PFKFB4: variants seen among roughly 807,000 people sequenced by gnomAD.
PFKFB4 encodes 6-phosphofructo-2-kinase/fructose-2,6-bisphosphatase 4.
PFKFB4 carries 42 observed loss-of-function variants against 62.8 expected under a neutral mutation model. The observed-to-expected ratio is 0.67, with a 90% confidence interval of 0.52 to 0.86. PFKFB4 has a LOEUF of 0.86. PFKFB4 is among the 40% of genes least tolerant of loss of function. The pLI is 0.00. For missense variants in PFKFB4, 475 were observed against 627.2 expected, an observed-to-expected ratio of 0.76 and a Z score of 2.59; for synonymous variants, 204 against 240.7, an observed-to-expected ratio of 0.85 and a Z score of 1.41.
intron 3 of PFKFB4, among the ~76,000 whole-genome samples, chr3:48,545,538 T>G (rs551678188): frequency 6.6e-6 from 1 of 152,276 alleles, no homozygotes; most frequent in South Asian, 2.1e-4. Flanking sequence ...CAGAAGCTGA[T>G]CTGAGAACCA....
At chr3:48,542,333 CAA>C (rs1229597350) in intron 4 of PFKFB4, among the ~76,000 whole-genome samples, 12 of 58,818 alleles carry the variant, frequency 2.0e-4, no homozygotes, top group Admixed American at 3.7e-4. Flanking sequence ...GACTCCATCT[CAA>C]AAAAAAAAAA....
chr3:48,547,404 G>A (rs1476113059), intron 3 of PFKFB4, among the ~76,000 whole-genome samples: 1 of 152,114 alleles, frequency 6.6e-6, no homozygotes, highest in Non-Finnish European at 1.5e-5. Flanking sequence ...TGCATAGGGG[G>A]CTTGTGTGTG....
Position 48,517,996 on chromosome 3 carries a change from G to A in PFKFB4, c.*1751C>T, listed in dbSNP as rs888772929. On this transcript the variant is annotated 3_prime_UTR_variant, in exon 14 of 14. Transcript: ENST00000232375. ...TCTGTACACAGAGAGAAAAGGCCTC[G>A]GTGGTCTCACCTCAGATGACATCCA... 3.9e-5 allele frequency: 6 copies of A among 152,260 alleles called. No homozygotes were observed. The highest frequency in any genetic ancestry group is 1.4e-4 in the African/African-American group (6 of 41,448). The allele number at this position is 152,260 out of a possible 1,614,324, so 9.4% of individuals were successfully genotyped here.
chr3:48,534,068 C>T (rs561027141), intron 9 of PFKFB4, among the ~76,000 whole-genome samples: 2 of 152,124 alleles, frequency 1.3e-5, no homozygotes, highest in African/African-American at 4.8e-5. Context: ...AGCTTCAAAA[C>T]ACCACATCTG....
intron 3 of PFKFB4, 96 bp from the exon 4 acceptor site, chr3:48,543,742 G>A (rs1469093489): frequency 2.2e-6 from 2 of 892,392 alleles, no homozygotes; most frequent in African/African-American, 3.3e-5. Context: ...GACAGGAGAA[G>A]GAACAGCCCC....
upstream of PFKFB4, among the ~76,000 whole-genome samples, chr3:48,558,179 T>C (rs866823518): frequency 6.6e-6 from 1 of 152,172 alleles, no homozygotes; most frequent in Non-Finnish European, 1.5e-5. Flanking sequence ...AAGGGAGAGA[T>C]CCAGAAGTTC....
Position 48,556,685 on chromosome 3 carries a change from G to A in PFKFB4, c.93C>T (p.Arg31=). 7.2e-7 allele frequency: 1 copy of A among 1,382,634 alleles called. No individual in the cohort carries two copies. Among genetic ancestry groups the A allele is most frequent in the Non-Finnish European group, 9.6e-7 (1 of 1,038,080 alleles). The allele number at this position is 1,382,634 out of a possible 1,614,324, so 85.6% of individuals were successfully genotyped here. ...TCCCAGAGGACCCCGCCTCACCACC[G>A]CGCTGGCAAGCGTGCAGAGCGGGCC... ...NGRPALHACQ[R]GVCMTNCPTL... is the part of the protein sequence containing the mutation. The change falls in exon 1 of 14, where the codon CGC becomes CGT. Residue 31 remains arginine, a synonymous_variant. Transcript: ENST00000232375. The surrounding 1 kb of genome is among the most constrained non-coding windows in gnomAD (Gnocchi z 5.7).
intron 3 of PFKFB4, among the ~76,000 whole-genome samples, chr3:48,547,620 C>T (rs1483628318): frequency 8.5e-5 from 13 of 152,092 alleles, no homozygotes; most frequent in Non-Finnish European, 4.4e-5. Flanking sequence ...GGATGACAGG[C>T]GCCCCACCAC....
chr3:48,558,733 T>A (rs1177065338), upstream of PFKFB4, among the ~76,000 whole-genome samples: 1 of 152,218 alleles, frequency 6.6e-6, no homozygotes, highest in Non-Finnish European at 1.5e-5. Flanking sequence ...ATCCTCCTTT[T>A]GCAGTATCTA....
At position 48,529,316 on chromosome 3, in the gene PFKFB4, AAGTCATAATGTTGGAAT is replaced by A. The variant is rs578085194; in HGVS notation, c.988-3664_988-3648del. The stretch of plus-strand genomic sequence containing the variant: ...ATAAATTGTGGATTAAACTAAGAAA[AAGTCATAATGTTGGAAT>A]AGAAGACAAGCCCAAGGCTGTTTAT... On this transcript the variant is annotated intron_variant, in intron 9 of 13. Coordinates refer to ENST00000232375, the MANE Select transcript of PFKFB4 (RefSeq NM_004567.4). Among the ~76,000 whole-genome samples the A allele has an allele frequency of 1.4e-4, 21 of 152,332 alleles. 1 individual carries two copies. The South Asian group carries it at 4.3e-3, about 32-fold the overall frequency.
chr3:48,538,657 T>C, intron 6 of PFKFB4, 38 bp from the exon 7 acceptor site: 1 of 1,613,206 alleles, frequency 6.2e-7, no homozygotes, highest in Non-Finnish European at 8.5e-7. Context: ...CATATCAGGG[T>C]CAGGAGCCAG....
Position 48,536,304 on chromosome 3 carries a change from G to A in PFKFB4, c.792C>T (p.Leu264=), listed in dbSNP as rs1312095752. ...LCRHGESELN[L]KGRIGGDPGL... ...CTGGGTCCCCGCCAATCCGGCCCTT[G>A]AGGTTGAGCTCGCTCTCCCCGTGCC... The change falls in exon 8 of 14, where the codon CTC becomes CTT. Residue 264 remains leucine (L), a synonymous_variant. Transcript: ENST00000232375. 2 of 1,614,088 alleles carry A rather than the reference G, an allele frequency of 1.2e-6. No homozygotes were observed. Among genetic ancestry groups the A allele is most frequent in the Non-Finnish European group, 8.5e-7 (1 of 1,180,030 alleles).
At chr3:48,535,847 C>A (rs577392662) in intron 8 of PFKFB4, among the ~76,000 whole-genome samples, 189 bp from the exon 9 acceptor site, 10 of 152,316 alleles carry the variant, frequency 6.6e-5, no homozygotes, top group African/African-American at 2.4e-4. Flanking sequence ...CCTGTGCACC[C>A]TCCCAGACCC....
chr3:48,537,516 CTTTT>C (rs34454675), intron 7 of PFKFB4, among the ~76,000 whole-genome samples: 2 of 91,374 alleles, frequency 2.2e-5, no homozygotes, highest in African/African-American at 1.0e-4. Context: ...CATGTGCATC[CTTTT>C]TTTTTTTTTT....
intron 9 of PFKFB4, among the ~76,000 whole-genome samples, chr3:48,526,605 G>T (rs1176329416): frequency 1.3e-5 from 2 of 150,952 alleles, no homozygotes; most frequent in Non-Finnish European, 2.9e-5. Context: ...GGACATATTG[G>T]ATTAGAGTGG....
upstream of PFKFB4, chr3:48,562,959 A>T (rs781418790): frequency 1.2e-6 from 2 of 1,606,140 alleles, no homozygotes; most frequent in African/African-American, 2.7e-5. The surrounding 1 kb of genome is among the most constrained non-coding windows in gnomAD (Gnocchi z 4.3). Context: ...TGGGCAGCCC[A>T]CGGCCATGTG....
chr3:48,520,505 G>A (rs752279289), intron 13 of PFKFB4, among the ~76,000 whole-genome samples: 1 of 152,192 alleles, frequency 6.6e-6, no homozygotes, highest in Non-Finnish European at 1.5e-5. Flanking sequence ...GCAGGAGCAG[G>A]TCACTGATGA....
At chr3:48,559,346 C>T (rs368899838), upstream of PFKFB4, among the ~76,000 whole-genome samples, 12 of 152,348 alleles carry the variant, frequency 7.9e-5, 1 homozygote, top group Middle Eastern at 3.4e-3. Context: ...ATCTCCCCTC[C>T]CATGGCCCTG....
At chr3:48,524,610 G>A (rs2042199612) in intron 10 of PFKFB4, among the ~76,000 whole-genome samples, 1 of 152,144 alleles carries the variant, frequency 6.6e-6, no homozygotes, top group African/African-American at 2.4e-5. Context: ...TGTTTCTCCT[G>A]ACCGTTATCT....
Sources: allele counts gnomAD v4.1 joint callset (sites outside exome capture counted in the v4.1 genomes callset), GRCh38; gene constraint gnomAD v4.1.1; non-coding constraint Gnocchi (gnomAD v3.1); transcripts MANE v1.5; gene names NCBI Gene and HGNC (gene_info 2026-07-23, HGNC 2026-07-21).